Variants in LRP1B observed in about 807,000 individuals in gnomAD.
LRP1B encodes LDL receptor related protein 1B.
Under a neutral mutation model 556.6 loss-of-function variants are expected in LRP1B, and 217 were observed. The ratio of observed to expected loss-of-function variants is 0.39; its 90% CI spans 0.35 to 0.44. The LOEUF (loss-of-function observed/expected upper bound fraction) is 0.44, where lower values mean the gene tolerates loss of function less well. Ranked by LOEUF, LRP1B falls within the 20% of genes least tolerant of loss-of-function variation. The probability of loss-of-function intolerance (pLI) is 1.00; values close to 1 mark genes in which losing one functional copy is unlikely to be tolerated. For missense variants in LRP1B, 5,053 were observed against 5,620.8 expected (o/e 0.90, Z 3.23); for synonymous variants, 2,047 against 1,865.8 (o/e 1.10, Z -2.50).
intron 37 of LRP1B, among the ~76,000 whole-genome samples, chr2:140,706,828 C>T (rs1574264323): frequency 6.6e-6 from 1 of 150,480 alleles, no homozygotes; most frequent in Admixed American, 6.7e-5. Flanking sequence ...TCAGGAAAAA[C>T]TTTTTTTTTT....
At chr2:140,788,759 C>T (rs1690000939) in intron 32 of LRP1B, among the ~76,000 whole-genome samples, 1 of 152,172 alleles carries the variant, frequency 6.6e-6, no homozygotes. Context: ...TTTATTGCAT[C>T]CCCACAAAAT....
intron 3 of LRP1B, among the ~76,000 whole-genome samples, chr2:141,467,104 A>T (rs60341274): frequency 1.7e-4 from 1 of 5,748 alleles, no homozygotes; most frequent in Admixed American, 4.3e-3. Flanking sequence ...ATATATGTGT[A>T]TATATATATA....
At chr2:141,251,289 GA>G (rs1431252213) in intron 4 of LRP1B, among the ~76,000 whole-genome samples, 3 of 152,118 alleles carry the variant, frequency 2.0e-5, no homozygotes, top group Non-Finnish European at 4.4e-5. Context: ...AGGGAAAAGA[GA>G]TATTTAAAGT....
chr2:142,121,906 A>G (rs1161251620), intron 1 of LRP1B, among the ~76,000 whole-genome samples: 1 of 152,148 alleles, frequency 6.6e-6, no homozygotes, highest in East Asian at 1.9e-4. Flanking sequence ...CAAGAAAAAA[A>G]AAATTTGAAT....
At position 141,690,418 on chromosome 2, in the gene LRP1B, T is replaced by A. The variant is rs1215188911; in HGVS notation, c.205+119861A>T. Among the ~76,000 whole-genome samples the A allele has an allele frequency of 2.0e-3, 257 of 130,786 alleles. 9 individuals carry two copies. The highest frequency in any genetic ancestry group is 6.1e-3 in the African/African-American group (216 of 35,700). The allele number at this position is 130,786 out of a possible 152,430, so 85.8% of individuals were successfully genotyped here. A position where few individuals can be genotyped will look rare whatever the true frequency, so the allele number is the denominator to read the frequency against. On this transcript the variant is annotated intron_variant, in intron 2 of 90. Coordinates refer to ENST00000389484, the MANE Select transcript of LRP1B (RefSeq NM_018557.3). Reference sequence around the variant, plus strand: ...ATAAATATATATATATATATATATATATATATATATATATATATATATAAT... The same window carrying A: ...ATAAATATATATATATATATATATAAATATATATATATATATATATATAAT...
chr2:142,005,548 G>T (rs1029794324), intron 1 of LRP1B, among the ~76,000 whole-genome samples: 6 of 152,068 alleles, frequency 3.9e-5, no homozygotes, highest in African/African-American at 1.2e-4. Flanking sequence ...AATATTTAAT[G>T]CAAGCCAAGT....
intron 7 of LRP1B, among the ~76,000 whole-genome samples, chr2:141,143,380 G>GT: frequency 6.6e-6 from 1 of 152,246 alleles, no homozygotes; most frequent in Non-Finnish European, 1.5e-5. Flanking sequence ...CCCTGTAGGT[G>GT]TAATCTTATT....
chr2:141,020,136 T>C (rs1246274426), intron 11 of LRP1B, 34 bp from the exon 12 acceptor site: 6 of 1,392,338 alleles, frequency 4.3e-6, no homozygotes, highest in Non-Finnish European at 5.7e-6. Context: ...AAGAAATTGC[T>C]TTTACAACTA....
At chr2:141,833,818 C>T (rs6720677) in intron 1 of LRP1B, among the ~76,000 whole-genome samples, 29,700 of 147,472 alleles carry the variant, frequency 0.2, 3,133 homozygotes, top group Admixed American at 0.28. Flanking sequence ...TGAGGGCACC[C>T]TTCCTTTCTT....
At chr2:140,549,537 C>T (rs905239397) in intron 43 of LRP1B, among the ~76,000 whole-genome samples, 2 of 152,096 alleles carry the variant, frequency 1.3e-5, no homozygotes, top group Admixed American at 6.6e-5. Context: ...GTCATGGAGA[C>T]GAGAAAAGAA....
intron 2 of LRP1B, among the ~76,000 whole-genome samples, chr2:141,701,095 C>G (rs1317985600): frequency 1.3e-5 from 2 of 151,844 alleles, no homozygotes; most frequent in Admixed American, 6.6e-5. Context: ...CTACTGCCTT[C>G]CCTGGATTGC....
intron 18 of LRP1B, among the ~76,000 whole-genome samples, 181 bp downstream of exon 18, chr2:140,981,979 T>G (rs1038931997): frequency 9.9e-5 from 15 of 152,194 alleles, no homozygotes; most frequent in Admixed American, 9.2e-4. Flanking sequence ...AAATAGGAAT[T>G]ATTCAGAAGT....
chr2:140,990,583 T>C (rs1697063909), intron 16 of LRP1B, among the ~76,000 whole-genome samples: 1 of 151,344 alleles, frequency 6.6e-6, no homozygotes, highest in Non-Finnish European at 1.5e-5. Context: ...TCATCATGAG[T>C]TTTCTTCCCT....
chr2:142,063,502 C>A (rs1038794878), intron 1 of LRP1B, among the ~76,000 whole-genome samples: 1 of 151,616 alleles, frequency 6.6e-6, no homozygotes, highest in African/African-American at 2.4e-5. Flanking sequence ...TCTATTCAAT[C>A]AGCAACATGT....
rs2105707376 is a variant in LRP1B, at chr2:141,810,316, A to G, written c.168T>C (p.Pro56=). 1 of 1,613,256 alleles carries G rather than the reference A, an allele frequency of 6.2e-7. No homozygotes were observed. Among genetic ancestry groups the G allele is most frequent in the Non-Finnish European group, 8.5e-7 (1 of 1,179,520 alleles). Residue 56 remains proline (P), a synonymous_variant, in exon 2 of 91, where the codon CCT becomes CCC. Coordinates refer to ENST00000389484, the MANE Select transcript of LRP1B (RefSeq NM_018557.3). ...VSQSWLCDGD[P]DCPDDSDESL... is the part of the protein sequence containing the mutation. ...ACTCGTCTGAATCATCAGGGCAGTCAGGGTCCCCATCACACAGCCAGCTCT... is the reference window on the plus strand; with the variant it reads ...ACTCGTCTGAATCATCAGGGCAGTCGGGGTCCCCATCACACAGCCAGCTCT...
At chr2:141,105,636 C>T (rs1327529252) in intron 7 of LRP1B, among the ~76,000 whole-genome samples, 1 of 150,668 alleles carries the variant, frequency 6.6e-6, no homozygotes, top group African/African-American at 2.4e-5. Context: ...ATTTTATTGA[C>T]CACCTGTCAA....
intron 1 of LRP1B, among the ~76,000 whole-genome samples, chr2:141,883,486 T>A (rs1346954154): frequency 6.6e-6 from 1 of 152,174 alleles, no homozygotes; most frequent in African/African-American, 2.4e-5. Context: ...CCAGAGATTG[T>A]ATTTGGGCAA....
At chr2:142,022,124 G>A (rs114917915) in intron 1 of LRP1B, among the ~76,000 whole-genome samples, 4,902 of 151,972 alleles carry the variant, frequency 0.032, 88 homozygotes, top group Non-Finnish European at 0.04. Context: ...TATTTTTATA[G>A]GAATATAATG....
chr2:140,376,087 A>G (rs1683218312), intron 68 of LRP1B, among the ~76,000 whole-genome samples: 1 of 152,076 alleles, frequency 6.6e-6, no homozygotes, highest in Non-Finnish European at 1.5e-5. Flanking sequence ...ACTTACATAT[A>G]GACTGCACTA....
Sources: allele counts gnomAD v4.1 joint callset (sites outside exome capture counted in the v4.1 genomes callset), GRCh38; gene constraint gnomAD v4.1.1; transcripts MANE v1.5; gene names NCBI Gene and HGNC (gene_info 2026-07-23, HGNC 2026-07-21).